The following FHIT variants were observed in gnomAD, a reference collection of about 807,000 sequenced individuals.
The protein encoded by FHIT is fragile histidine triad diadenosine triphosphatase.
FHIT carries 19 observed loss-of-function variants against 17.9 expected under a neutral mutation model. The ratio of observed to expected loss-of-function variants is 1.06; its 90% CI spans 0.74 to 1.56. The LOEUF (loss-of-function observed/expected upper bound fraction) is 1.56. FHIT is among the 40% of genes most tolerant of loss of function. FHIT has a pLI of 0.00. For missense variants in FHIT, 248 were observed against 189.2 expected (o/e 1.31, Z -1.82); for synonymous variants, 81 against 69.7 (o/e 1.16, Z -0.81).
At chr3:61,181,332 T>C (rs1015187579) in intron 2 of FHIT, among the ~76,000 whole-genome samples, 1 of 152,168 alleles carries the variant, frequency 6.6e-6, no homozygotes, top group African/African-American at 2.4e-5. Flanking sequence ...ACATCAATAT[T>C]TGTATCTACA....
At chr3:60,304,143 A>AG (rs1434463576) in intron 5 of FHIT, among the ~76,000 whole-genome samples, 6 of 152,182 alleles carry the variant, frequency 3.9e-5, no homozygotes, top group African/African-American at 1.4e-4. Flanking sequence ...ACATTTATTA[A>AG]GTATCCCTTT....
chr3:60,229,161 A>C (rs1466591301), intron 5 of FHIT, among the ~76,000 whole-genome samples: 3 of 152,180 alleles, frequency 2.0e-5, no homozygotes, highest in East Asian at 3.9e-4. Flanking sequence ...TCATGCCTGT[A>C]ATCGCAGTAC....
chr3:60,604,856 T>TC (rs2038559457), intron 4 of FHIT, among the ~76,000 whole-genome samples: 1 of 152,094 alleles, frequency 6.6e-6, no homozygotes, highest in Non-Finnish European at 1.5e-5. Context: ...CCCTATAGAT[T>TC]CCATTCTGTT....
intron 5 of FHIT, among the ~76,000 whole-genome samples, chr3:60,256,918 G>T (rs558524754): frequency 5.9e-5 from 9 of 152,292 alleles, no homozygotes; most frequent in African/African-American, 1.9e-4. Flanking sequence ...GTCTAGGTCT[G>T]TTCAGTGTCT....
At position 60,210,809 on chromosome 3, in the gene FHIT, G is replaced by T. The variant is rs11130760; in HGVS notation, c.104-196657C>A. ...TATAGTTGTGGTATAAATACAAAGAGACATATGCAAACCCTATGGATAAGT... is the reference window on the plus strand; with the variant it reads ...TATAGTTGTGGTATAAATACAAAGATACATATGCAAACCCTATGGATAAGT... On this transcript the variant is annotated intron_variant, in intron 5 of 9. Coordinates refer to ENST00000492590, the MANE Select transcript of FHIT (RefSeq NM_002012.4). 0.12 allele frequency among the ~76,000 whole-genome samples: 17,492 copies of T among 151,966 alleles called. 1,043 individuals carry two copies. The highest frequency in any genetic ancestry group is 0.14 in the South Asian group (681 of 4,808).
chr3:59,771,470 T>G (rs1419930648), intron 8 of FHIT, among the ~76,000 whole-genome samples: 1 of 152,218 alleles, frequency 6.6e-6, no homozygotes, highest in African/African-American at 2.4e-5. Context: ...TCAGGTTCAT[T>G]GAGGGCCTAT....
At chr3:61,166,022 C>A (rs2037826104) in intron 2 of FHIT, among the ~76,000 whole-genome samples, 1 of 152,142 alleles carries the variant, frequency 6.6e-6, no homozygotes, top group South Asian at 2.1e-4. Context: ...AACTGTTGTC[C>A]TTTTGCCTCA....
At chr3:60,434,638 CA>C (rs1367243170) in intron 5 of FHIT, among the ~76,000 whole-genome samples, 2 of 152,218 alleles carry the variant, frequency 1.3e-5, no homozygotes, top group African/African-American at 4.8e-5. Flanking sequence ...ACTGTCTTTT[CA>C]AACCATTTTC....
chr3:60,425,094 A>G (rs1168458592), intron 5 of FHIT, among the ~76,000 whole-genome samples: 1 of 152,064 alleles, frequency 6.6e-6, no homozygotes, highest in East Asian at 1.9e-4. Context: ...GTAGAAACAC[A>G]TGGATCAAGG....
intron 4 of FHIT, among the ~76,000 whole-genome samples, chr3:60,577,684 T>A (rs1417921216): frequency 6.6e-6 from 1 of 152,114 alleles, no homozygotes; most frequent in African/African-American, 2.4e-5. Flanking sequence ...TTACTGAAAT[T>A]TGGTTGGAAG....
In FHIT at chr3:60,971,877, T is replaced by G. The variant is rs149902320; in HGVS notation, c.-111+70170A>C. Among the ~76,000 whole-genome samples, 22 of 152,316 alleles carry G rather than the reference T, an allele frequency of 1.4e-4. No homozygotes were observed. The East Asian group carries it at 4.0e-3, about 28-fold the overall frequency. On this transcript the variant is annotated intron_variant, in intron 3 of 9. Coordinates refer to ENST00000492590, the MANE Select transcript of FHIT (RefSeq NM_002012.4). ...CAAGAGAAAATTCCCCCATCTATGT[T>G]TACTTAGTCATACAAGAGATGTGGA...
At position 60,258,102 on chromosome 3, in the gene FHIT, C is replaced by CACA. The variant is rs1559767638; in HGVS notation, c.104-243951_104-243950insTGT. Among the ~76,000 whole-genome samples the CACA allele has an allele frequency of 2.6e-3, 219 of 85,496 alleles. 1 individual carries two copies. Among genetic ancestry groups the CACA allele is most frequent in the African/African-American group, 8.0e-3 (202 of 25,356 alleles). 56.1% of individuals were successfully genotyped at this position (85,496 alleles called of 152,430 possible). A position where few individuals can be genotyped will look rare whatever the true frequency, so the allele number is the denominator to read the frequency against. ...CACACACACACACACACACACACACCTCTGCAGATTTTGTACACACTCCAT... is the reference window on the plus strand; with the variant it reads ...CACACACACACACACACACACACACCACATCTGCAGATTTTGTACACACTCCAT... On this transcript the variant is annotated intron_variant, in intron 5 of 9. Coordinates refer to ENST00000492590, the MANE Select transcript of FHIT (RefSeq NM_002012.4).
At position 60,059,099 on chromosome 3, in the gene FHIT, A is replaced by G. The variant is rs115558492; in HGVS notation, c.104-44947T>C. Among the ~76,000 whole-genome samples the G allele has an allele frequency of 9.9e-3, 1,501 of 152,296 alleles. 29 individuals are homozygous for G. Among genetic ancestry groups the G allele is most frequent in the African/African-American group, 0.033 (1,353 of 41,552 alleles). On this transcript the variant is annotated intron_variant, in intron 5 of 9. Coordinates refer to ENST00000492590, the MANE Select transcript of FHIT (RefSeq NM_002012.4). Reference sequence around the variant, plus strand: ...ACACCCCCACCAGGAAAGCCACGCTACCATCAGGTGATGGTCAGGTGGTTG... The same window carrying G: ...ACACCCCCACCAGGAAAGCCACGCTGCCATCAGGTGATGGTCAGGTGGTTG...
intron 2 of FHIT, among the ~76,000 whole-genome samples, chr3:61,092,243 A>G (rs1042288329): frequency 5.9e-5 from 9 of 152,220 alleles, no homozygotes; most frequent in African/African-American, 1.9e-4. Flanking sequence ...TCCCCAAGGG[A>G]AAAATCTACT....
At chr3:61,168,404 T>G (rs772560031) in intron 2 of FHIT, among the ~76,000 whole-genome samples, 11 of 152,200 alleles carry the variant, frequency 7.2e-5, no homozygotes, top group Non-Finnish European at 1.0e-4. Context: ...GACAAAAGTA[T>G]GCAAAAAATG....
intron 3 of FHIT, among the ~76,000 whole-genome samples, chr3:60,956,787 T>G (rs1709184460): frequency 6.6e-6 from 1 of 152,250 alleles, no homozygotes; most frequent in Admixed American, 6.5e-5. Flanking sequence ...CCACTTTGGA[T>G]ATGTAATAAT....
intron 7 of FHIT, 44 bp downstream of exon 7, chr3:60,011,327 A>G (rs758409429): frequency 6.3e-6 from 10 of 1,593,876 alleles, no homozygotes; most frequent in Non-Finnish European, 1.7e-6. Context: ...ATTAGTTCTC[A>G]TAATCGCCTC....
chr3:60,347,471 A>G (rs1183832221), intron 5 of FHIT, among the ~76,000 whole-genome samples: 1 of 152,150 alleles, frequency 6.6e-6, no homozygotes, highest in African/African-American at 2.4e-5. Flanking sequence ...TCAACTTAGC[A>G]AGTGCTGGGG....
intron 5 of FHIT, among the ~76,000 whole-genome samples, chr3:60,371,964 A>C (rs1182151520): frequency 6.6e-6 from 1 of 152,052 alleles, no homozygotes. Flanking sequence ...TTATGTAAAA[A>C]TTGGCACGGT....
Sources: gnomAD v4.1 joint callset for allele counts (sites outside exome capture counted in the v4.1 genomes callset) on GRCh38, gnomAD v4.1.1 for gene constraint, MANE v1.5 for transcripts, NCBI Gene and HGNC (gene_info 2026-07-23, HGNC 2026-07-21) for gene names.